The following HDX variants were observed in gnomAD, a reference collection of about 807,000 sequenced individuals.
The protein encoded by HDX is highly divergent homeobox.
A neutral mutation model predicts 45.2 loss-of-function variants in HDX; 19 were observed. That is an observed-to-expected ratio of 0.42 (90% CI 0.29 to 0.62). The LOEUF is 0.62. Ranked by LOEUF, HDX falls within the 20% of genes least tolerant of loss-of-function variation. HDX has a pLI of 0.20. For synonymous variants in HDX, 188 were observed against 172.8 expected (o/e 1.09, Z -0.69); for missense variants, 532 against 493.9 (o/e 1.08, Z -0.73).
chrX:84,471,244 A>AATAGATAG (rs200160920), intron 3 of HDX, among the ~76,000 whole-genome samples: 13,299 of 97,193 alleles, frequency 0.14, 954 homozygotes, highest in African/African-American at 0.23. Flanking sequence ...GTGTTCTCTC[A>AATAGATAG]ATAGATAGAT....
chrX:84,401,067 G>A (rs2038692500), intron 5 of HDX, among the ~76,000 whole-genome samples: 2 of 111,857 alleles, frequency 1.8e-5, no homozygotes, highest in Admixed American at 9.5e-5. Context: ...ATATATTAAA[G>A]ACTTTAATGT....
chrX:84,465,909 G>C (rs144520288), intron 4 of HDX, among the ~76,000 whole-genome samples: 2,810 of 111,533 alleles, frequency 0.025, 33 homozygotes, highest in Non-Finnish European at 0.038. Context: ...ACCTTGGAGG[G>C]TAAAACTCCA....
chrX:84,461,121 T>C (rs1281735942), intron 4 of HDX, among the ~76,000 whole-genome samples: 1 of 111,165 alleles, frequency 9.0e-6, no homozygotes, highest in Non-Finnish European at 1.9e-5. Context: ...TAGATTCAAT[T>C]CAATCCCCGT....
intron 1 of HDX, among the ~76,000 whole-genome samples, chrX:84,489,339 C>T (rs2040852279): frequency 9.0e-6 from 1 of 111,606 alleles, no homozygotes; most frequent in African/African-American, 3.3e-5. Context: ...GTTTAGTAAA[C>T]AAAACAACTG....
intron 5 of HDX, among the ~76,000 whole-genome samples, chrX:84,425,610 G>T (rs1379346613): frequency 1.8e-5 from 2 of 111,758 alleles, no homozygotes; most frequent in Non-Finnish European, 3.8e-5. Flanking sequence ...TATACAAAAT[G>T]AAATACTATT....
intron 5 of HDX, among the ~76,000 whole-genome samples, chrX:84,423,500 AAG>A (rs1556015248): frequency 2.0e-5 from 2 of 99,396 alleles, no homozygotes; most frequent in South Asian, 4.9e-4. Context: ...AAAAAAAAAA[AAG>A]AGAGAGAGAG....
intron 5 of HDX, among the ~76,000 whole-genome samples, chrX:84,364,737 C>A (rs2037706749): frequency 9.1e-6 from 1 of 109,467 alleles, no homozygotes; most frequent in African/African-American, 3.3e-5. Context: ...AATTTTATAC[C>A]CGTGGAACAG....
intron 6 of HDX, among the ~76,000 whole-genome samples, chrX:84,352,342 G>C (rs1291276829): frequency 1.8e-5 from 2 of 111,749 alleles, no homozygotes; most frequent in African/African-American, 6.5e-5. Context: ...GAATTACTTT[G>C]TACACACCAA....
intron 5 of HDX, among the ~76,000 whole-genome samples, chrX:84,392,477 A>G (rs2147934390): frequency 9.0e-6 from 1 of 110,895 alleles, no homozygotes; most frequent in Non-Finnish European, 1.9e-5. Context: ...CGTGGTAGGG[A>G]TTGCATTGAA....
At chrX:84,479,294 C>T (rs1437613590) in intron 2 of HDX, among the ~76,000 whole-genome samples, 7 of 111,724 alleles carry the variant, frequency 6.3e-5, no homozygotes, top group African/African-American at 2.3e-4. Flanking sequence ...CGTAGACTGC[C>T]CTATAAATGG....
Position 84,469,066 on chromosome X carries a change from A to G in HDX, c.657T>C (p.Pro219=). 1 of 1,211,780 alleles carries G rather than the reference A, an allele frequency of 8.3e-7. No individual in the cohort carries two copies. The highest frequency in any genetic ancestry group is 1.1e-6 in the Non-Finnish European group (1 of 895,466). The change falls in exon 4 of 11, where the codon CCT becomes CCC. Residue 219 remains proline, a synonymous_variant. Transcript: ENST00000373177. ...GAATCCCAACTGGTTCAATTTTACA[A>G]GGTCGGTGGCACACAGAAGGCTTTT... ...VPQKPSVCHR[P]CKIEPVGIQR... is the part of the protein sequence containing the mutation.
intron 5 of HDX, among the ~76,000 whole-genome samples, chrX:84,420,964 A>G (rs1361781426): frequency 8.9e-6 from 1 of 112,428 alleles, no homozygotes; most frequent in Non-Finnish European, 1.9e-5. Flanking sequence ...AGACTTTCTC[A>G]GACAAACAGA....
At chrX:84,423,483 C>CAAAAAAAAAAAAAAAAAAAAAAAAAAAA (rs538893311) in intron 5 of HDX, among the ~76,000 whole-genome samples, 1 of 59,502 alleles carries the variant, frequency 1.7e-5, no homozygotes, top group Non-Finnish European at 3.0e-5. Flanking sequence ...ACAGAAACAT[C>CAAAAAAAAAAAAAAAAAAAAAAAAAAAA]AAAAAAAAAA....
intron 1 of HDX, among the ~76,000 whole-genome samples, chrX:84,495,193 G>A (rs1032877771): frequency 7.2e-5 from 8 of 110,766 alleles, no homozygotes; most frequent in African/African-American, 2.6e-4. Flanking sequence ...TATCAAGGCT[G>A]GAGAACAGTG....
At chrX:84,449,015 A>G (rs1308580974) in intron 4 of HDX, among the ~76,000 whole-genome samples, 1 of 108,538 alleles carries the variant, frequency 9.2e-6, no homozygotes, top group Non-Finnish European at 1.9e-5. Flanking sequence ...TCATGGAATC[A>G]AATAAAAAAT....
At chrX:84,396,451 G>T (rs1662784118) in intron 5 of HDX, among the ~76,000 whole-genome samples, 1 of 112,022 alleles carries the variant, frequency 8.9e-6, no homozygotes, top group African/African-American at 3.2e-5. Context: ...GCCTATCCTT[G>T]GGCCCTAAGG....
chrX:84,362,624 T>C (rs1438383169), intron 5 of HDX, among the ~76,000 whole-genome samples: 1 of 110,521 alleles, frequency 9.0e-6, no homozygotes, highest in Non-Finnish European at 1.9e-5. Flanking sequence ...CTGGGACAAC[T>C]GTTGCAATTC....
chrX:84,350,433 A>G (rs1376006861), intron 6 of HDX, among the ~76,000 whole-genome samples: 3 of 111,462 alleles, frequency 2.7e-5, no homozygotes, highest in Non-Finnish European at 5.7e-5. Flanking sequence ...TGAAATCTCC[A>G]AATATAATTT....
At chrX:84,453,770 T>C (rs757118190) in intron 4 of HDX, among the ~76,000 whole-genome samples, 1 of 111,419 alleles carries the variant, frequency 9.0e-6, no homozygotes, top group Admixed American at 9.5e-5. Context: ...GTGCCAGCTG[T>C]CCCCCAACCC....
Sources: allele counts gnomAD v4.1 joint callset (sites outside exome capture counted in the v4.1 genomes callset), GRCh38; gene constraint gnomAD v4.1.1; transcripts MANE v1.5; gene names NCBI Gene and HGNC (gene_info 2026-07-23, HGNC 2026-07-21).